The following PHIP variants were observed in gnomAD, a reference collection of about 807,000 sequenced individuals.
PHIP encodes the protein PHIP subunit of CUL4-Ring ligase complex.
Under a neutral mutation model 236.8 loss-of-function variants are expected in PHIP, and 54 were observed. The observed-to-expected ratio is 0.23, with a 90% CI of 0.18 to 0.29. The LOEUF (loss-of-function observed/expected upper bound fraction) is 0.29, where lower values mean the gene tolerates loss of function less well. Among genes scored for constraint, PHIP ranks in the 10% least tolerant of loss-of-function variants. The pLI, the probability that PHIP is intolerant of heterozygous loss-of-function variation, is 1.00. For synonymous variants in PHIP, 756 were observed against 718.9 expected (o/e 1.05, Z -0.83); for missense variants, 1,370 against 2,190.8 (o/e 0.63, Z 7.48).
At chr6:79,069,473 A>C (rs1188045435) in intron 4 of PHIP, among the ~76,000 whole-genome samples, 1 of 152,040 alleles carries the variant, frequency 6.6e-6, no homozygotes. Flanking sequence ...CATAAGCTTA[A>C]CTACTCTCCC....
intron 4 of PHIP, among the ~76,000 whole-genome samples, chr6:79,075,337 T>C (rs944738508): frequency 6.6e-6 from 1 of 152,130 alleles, no homozygotes; most frequent in African/African-American, 2.4e-5. Flanking sequence ...ATATGCTGAA[T>C]GAATGAAAAG....
intron 4 of PHIP, among the ~76,000 whole-genome samples, chr6:79,070,289 G>A (rs1773818284): frequency 6.6e-6 from 1 of 152,190 alleles, no homozygotes. Flanking sequence ...AAAAGTTACT[G>A]TGTATTAATT....
Position 78,945,445 on chromosome 6 carries a change from A to G in PHIP, c.4683T>C (p.Pro1561=), listed in dbSNP as rs768388151. ...TGCCATGACTAAAACTGGATTGACC[A>G]GGACTGGAAAGAGTATTCAAAGCTT... ...HSKALNTLSS[P]GQSSFSHGTR... is the part of the protein sequence containing the mutation. The change falls in exon 39 of 40, where the codon CCT becomes CCC. Residue 1561 remains proline (P), a synonymous_variant. Coordinates refer to ENST00000275034, the MANE Select transcript of PHIP (RefSeq NM_017934.7). The G allele has an allele frequency of 2.5e-5, 40 of 1,611,198 alleles. No homozygotes were observed. The highest frequency in any genetic ancestry group is 3.1e-5 in the Non-Finnish European group (37 of 1,177,470).
At chr6:78,970,629 T>C in intron 25 of PHIP, 152 bp downstream of exon 25, 1 of 549,398 alleles carries the variant, frequency 1.8e-6, no homozygotes, top group African/African-American at 2.0e-5. Flanking sequence ...GGATGAAAAT[T>C]AAACACCTCC....
intron 23 of PHIP, among the ~76,000 whole-genome samples, chr6:78,982,213 C>G (rs967074640): frequency 2.0e-5 from 3 of 151,976 alleles, no homozygotes; most frequent in Non-Finnish European, 4.4e-5. Context: ...TTAAACAGGT[C>G]TCATTTTCAT....
At chr6:79,000,283 T>C (rs1249097269) in intron 17 of PHIP, among the ~76,000 whole-genome samples, 2 of 152,078 alleles carry the variant, frequency 1.3e-5, no homozygotes, top group Non-Finnish European at 2.9e-5. Context: ...ATTATTGCTA[T>C]GGATTCTCTT....
intron 6 of PHIP, 129 bp downstream of exon 6, chr6:79,060,345 CTATT>C: frequency 1.8e-6 from 1 of 554,278 alleles, no homozygotes; most frequent in Non-Finnish European, 3.1e-6. Flanking sequence ...GAAAAAAAAT[CTATT>C]TTTTTCTTTT....
At chr6:78,964,532 G>A (rs1162825379) in intron 29 of PHIP, among the ~76,000 whole-genome samples, 1 of 152,040 alleles carries the variant, frequency 6.6e-6, no homozygotes. Context: ...TCGCTCTGTT[G>A]CCCAGGCTGG....
At chr6:78,975,443 A>G (rs1767977280) in intron 24 of PHIP, among the ~76,000 whole-genome samples, 2 of 152,344 alleles carry the variant, frequency 1.3e-5, no homozygotes, top group East Asian at 3.9e-4. Flanking sequence ...AACTGGAAGC[A>G]TTCCCTTTGA....
chr6:78,967,834 T>C (rs1014667138), intron 27 of PHIP, among the ~76,000 whole-genome samples: 5 of 152,124 alleles, frequency 3.3e-5, no homozygotes, highest in South Asian at 4.1e-4. Flanking sequence ...ATGCAACTCC[T>C]TAAAAAATAA....
chr6:78,968,955 A>G (rs752446560), intron 27 of PHIP, among the ~76,000 whole-genome samples: 8 of 152,188 alleles, frequency 5.3e-5, no homozygotes, highest in Non-Finnish European at 1.2e-4. Flanking sequence ...TGAGGCTTCT[A>G]CTGAATATTA....
chr6:79,052,120 G>T (rs1219439549), intron 6 of PHIP, among the ~76,000 whole-genome samples: 1 of 152,158 alleles, frequency 6.6e-6, no homozygotes, highest in Non-Finnish European at 1.5e-5. Flanking sequence ...TTATCAAATA[G>T]AAGGTATAGG....
At chr6:79,077,060 G>GCGAGCAAGCGAA (rs1288636710) in intron 4 of PHIP, among the ~76,000 whole-genome samples, 3 of 152,114 alleles carry the variant, frequency 2.0e-5, no homozygotes, top group Non-Finnish European at 4.4e-5. Context: ...CGCGTGCAGA[G>GCGAGCAAGCGAA]CGAGCAAGCG....
intron 26 of PHIP, 43 bp from the exon 27 acceptor site, chr6:78,969,960 A>G: frequency 6.4e-7 from 1 of 1,571,136 alleles, no homozygotes; most frequent in South Asian, 1.1e-5. Flanking sequence ...ACATACCTAA[A>G]AATACCTAAA....
At chr6:79,051,223 T>C (rs1054300319) in intron 6 of PHIP, among the ~76,000 whole-genome samples, 5 of 152,160 alleles carry the variant, frequency 3.3e-5, no homozygotes, top group African/African-American at 1.2e-4. Context: ...GGTCTCTACA[T>C]CATACTGTAC....
rs1464261041 is a variant in PHIP, at chr6:78,937,017, T to C, written c.*3676A>G. On this transcript the variant is annotated 3_prime_UTR_variant, in exon 40 of 40. Coordinates refer to ENST00000275034, the MANE Select transcript of PHIP (RefSeq NM_017934.7). ...ACTGCTCAATCTGTTATGTTAGAAATACTTTTTAGGTTAATAGGAGTAATC... is the reference window on the plus strand; with the variant it reads ...ACTGCTCAATCTGTTATGTTAGAAACACTTTTTAGGTTAATAGGAGTAATC... 1.3e-5 allele frequency: 2 copies of C among 151,790 alleles called. No individual in the cohort carries two copies. The highest frequency in any genetic ancestry group is 3.8e-4 in the East Asian group (2 of 5,202). The allele number at this position is 151,790 out of a possible 1,614,324, so 9.4% of individuals were successfully genotyped here.
At chr6:79,036,853 G>T (rs1306581500) in intron 7 of PHIP, among the ~76,000 whole-genome samples, 2 of 148,828 alleles carry the variant, frequency 1.3e-5, no homozygotes, top group South Asian at 4.3e-4. Flanking sequence ...CCTGGGAGGT[G>T]GAGCTTGCAA....
chr6:78,955,688 T>A lies in PHIP; in HGVS notation c.3783-6A>T. ...TGTTATAACAAGTCTGATCCCTACA[T>A]AACAAGGAAATGTTAACATGTAAGA... On this transcript the variant is annotated splice_region_variant and splice_polypyrimidine_tract_variant and intron_variant, in intron 32 of 39. Coordinates refer to ENST00000275034, the MANE Select transcript of PHIP (RefSeq NM_017934.7). 1 of 942,774 alleles carries A rather than the reference T, an allele frequency of 1.1e-6. No individual in the cohort carries two copies. The highest frequency in any genetic ancestry group is 1.6e-6 in the Non-Finnish European group (1 of 611,054). 58.4% of individuals were successfully genotyped at this position (942,774 alleles called of 1,614,324 possible). A position where few individuals can be genotyped will look rare whatever the true frequency, so the allele number is the denominator to read the frequency against.
chr6:79,061,417 T>C (rs1035831142), intron 4 of PHIP, among the ~76,000 whole-genome samples: 5 of 152,174 alleles, frequency 3.3e-5, no homozygotes, highest in African/African-American at 9.7e-5. Context: ...TTTTTCACTT[T>C]TTCTCATGAA....
Sources: gnomAD v4.1 joint callset for allele counts (sites outside exome capture counted in the v4.1 genomes callset) on GRCh38, gnomAD v4.1.1 for gene constraint, MANE v1.5 for transcripts, NCBI Gene and HGNC (gene_info 2026-07-23, HGNC 2026-07-21) for gene names.